The following MED13L variants were observed in gnomAD, a reference collection of about 807,000 sequenced individuals.
MED13L encodes the protein mediator complex subunit 13L.
A neutral mutation model predicts 220.9 loss-of-function variants in MED13L; 7 were observed. The ratio of observed to expected loss-of-function variants is 0.03; its 90% confidence interval spans 0.02 to 0.06. The LOEUF (loss-of-function observed/expected upper bound fraction) is 0.06, where lower values mean the gene tolerates loss of function less well. MED13L is among the 10% of genes least tolerant of loss of function. The pLI, the probability that MED13L is intolerant of heterozygous loss-of-function variation, is 1.00. For missense variants in MED13L, 1,965 were observed against 2,760.5 expected (o/e 0.71, Z 6.46); for synonymous variants, 1,011 against 1,015.2 (o/e 1.00, Z 0.08).
intron 4 of MED13L, among the ~76,000 whole-genome samples, chr12:116,032,014 C>T (rs1334990280): frequency 1.3e-5 from 2 of 151,694 alleles, no homozygotes; most frequent in African/African-American, 2.4e-5. Context: ...AAAATATATC[C>T]CATTAGCAAT....
intron 30 of MED13L, 54 bp downstream of exon 30, chr12:115,963,353 G>C: frequency 7.3e-7 from 1 of 1,378,920 alleles, no homozygotes; most frequent in Non-Finnish European, 1.0e-6. Context: ...AAAGACAACA[G>C]TAAAGGAATA....
chr12:116,266,584 A>G (rs908793771), intron 1 of MED13L, among the ~76,000 whole-genome samples: 2 of 152,370 alleles, frequency 1.3e-5, no homozygotes, highest in South Asian at 2.1e-4. Context: ...AACACTAAGC[A>G]TAAGTTTATT....
At chr12:116,108,515 C>T (rs1873797487) in intron 3 of MED13L, among the ~76,000 whole-genome samples, 1 of 151,724 alleles carries the variant, frequency 6.6e-6, no homozygotes, top group African/African-American at 2.4e-5. Flanking sequence ...ACGGAGCCAA[C>T]AACAATCATT....
chr12:116,232,875 T>C (rs898810457), intron 2 of MED13L, among the ~76,000 whole-genome samples: 3 of 151,798 alleles, frequency 2.0e-5, no homozygotes, highest in Non-Finnish European at 4.4e-5. Context: ...TCGATTGAGG[T>C]TGGGAGTTTG....
At chr12:116,042,235 T>C (rs1031682250) in intron 4 of MED13L, among the ~76,000 whole-genome samples, 1 of 152,192 alleles carries the variant, frequency 6.6e-6, no homozygotes, top group Non-Finnish European at 1.5e-5. Flanking sequence ...AAGACTAGCT[T>C]TCTAACTGGG....
At chr12:115,974,171 G>A (rs150573132) in intron 25 of MED13L, among the ~76,000 whole-genome samples, 6 of 152,240 alleles carry the variant, frequency 3.9e-5, no homozygotes, top group Non-Finnish European at 7.4e-5. Context: ...GTCTAGAGCC[G>A]CTTTGACGTT....
chr12:116,205,492 C>T (rs11067944), intron 2 of MED13L, among the ~76,000 whole-genome samples: 1 of 135,544 alleles, frequency 7.4e-6, no homozygotes, highest in Non-Finnish European at 1.5e-5. Context: ...TAATCACCTT[C>T]TCAACTGTTC....
intron 2 of MED13L, among the ~76,000 whole-genome samples, chr12:116,149,694 A>C (rs924061872): frequency 1.1e-4 from 16 of 152,330 alleles, no homozygotes; most frequent in African/African-American, 3.6e-4. Context: ...CAGGGAGATT[A>C]AGGAAAGACG....
At chr12:115,975,057 T>C in intron 25 of MED13L, 114 bp downstream of exon 25, 1 of 1,089,316 alleles carries the variant, frequency 9.2e-7, no homozygotes, top group Non-Finnish European at 1.4e-6. Flanking sequence ...AATCATAAAA[T>C]AGAATCTGTT....
At chr12:116,237,305 C>A (rs1870176650) in intron 2 of MED13L, among the ~76,000 whole-genome samples, 163 bp downstream of exon 2, 1 of 151,964 alleles carries the variant, frequency 6.6e-6, no homozygotes, top group South Asian at 2.1e-4. Context: ...GAAAAAAAAA[C>A]AGGGATGGGA....
intron 25 of MED13L, chr12:115,972,478 G>A (rs558140478): frequency 1.2e-5 from 6 of 499,140 alleles, no homozygotes; most frequent in South Asian, 9.7e-5. Context: ...AATGACCTTT[G>A]AGAGTCCAGC....
chr12:116,136,764 T>C (rs977921312), intron 2 of MED13L, among the ~76,000 whole-genome samples: 6 of 152,228 alleles, frequency 3.9e-5, no homozygotes, highest in African/African-American at 1.4e-4. Flanking sequence ...ATTTCAGTTT[T>C]ATAATCATAT....
intron 23 of MED13L, among the ~76,000 whole-genome samples, chr12:115,977,679 C>T (rs1466772236): frequency 3.9e-5 from 6 of 152,098 alleles, no homozygotes; most frequent in African/African-American, 1.4e-4. Context: ...AATCATTATG[C>T]TAACTGGAAG....
At chr12:116,220,086 G>A (rs904328693) in intron 2 of MED13L, among the ~76,000 whole-genome samples, 6 of 151,786 alleles carry the variant, frequency 4.0e-5, no homozygotes, top group East Asian at 1.9e-4. Context: ...GTGAGCCACC[G>A]CACCCAGCCT....
chr12:115,987,527 T>C (rs1877777839), intron 17 of MED13L, among the ~76,000 whole-genome samples: 1 of 152,098 alleles, frequency 6.6e-6, no homozygotes, highest in Non-Finnish European at 1.5e-5. Flanking sequence ...TATAAAAAAG[T>C]TTAATGGAAG....
intron 2 of MED13L, among the ~76,000 whole-genome samples, chr12:116,144,352 G>A (rs1181627544): frequency 6.6e-6 from 1 of 152,098 alleles, no homozygotes; most frequent in African/African-American, 2.4e-5. Flanking sequence ...AAAGGGCCCA[G>A]CTCCCAACAG....
chr12:116,179,186 T>G (rs955500580), intron 2 of MED13L, among the ~76,000 whole-genome samples: 2 of 150,552 alleles, frequency 1.3e-5, no homozygotes, highest in Admixed American at 6.6e-5. Context: ...ACAAAATAAT[T>G]TAAAATTTGA....
At chr12:115,999,230 T>G (rs868778568) in intron 14 of MED13L, among the ~76,000 whole-genome samples, 2 of 152,114 alleles carry the variant, frequency 1.3e-5, no homozygotes, top group African/African-American at 4.8e-5. Context: ...CTGGGCAATA[T>G]GGCGAAATCC....
At chr12:116,266,522 G>A (rs76584407) in intron 1 of MED13L, among the ~76,000 whole-genome samples, 2,989 of 152,272 alleles carry the variant, frequency 0.02, 58 homozygotes, top group Middle Eastern at 0.054. Context: ...CTCCCGCTCT[G>A]ACTGCCAGGA....
Sources: allele counts gnomAD v4.1 joint callset (sites outside exome capture counted in the v4.1 genomes callset), GRCh38; gene constraint gnomAD v4.1.1; transcripts MANE v1.5; gene names NCBI Gene and HGNC (gene_info 2026-07-23, HGNC 2026-07-21).